CREM: variants seen among roughly 807,000 people sequenced by gnomAD.
CREM encodes the protein cAMP-responsive element modulator.
A neutral mutation model predicts 37.3 loss-of-function variants in CREM; 13 were observed. The ratio of observed to expected loss-of-function variants is 0.35; its 90% confidence interval spans 0.23 to 0.55. The LOEUF (loss-of-function observed/expected upper bound fraction) is 0.55, where lower values mean the gene tolerates loss of function less well. Ranked by LOEUF, CREM falls within the 20% of genes least tolerant of loss-of-function variation. The pLI is 0.88. For synonymous variants in CREM, 124 were observed against 120.2 expected, an observed-to-expected ratio of 1.03 and a Z score of -0.21; for missense variants, 296 against 362.3, an observed-to-expected ratio of 0.82 and a Z score of 1.49.
At chr10:35,180,988 T>C (rs922485554) in intron 5 of CREM, among the ~76,000 whole-genome samples, 1 of 152,230 alleles carries the variant, frequency 6.6e-6, no homozygotes, top group African/African-American at 2.4e-5. Flanking sequence ...CTTCTCAAAG[T>C]GTTGGGAACC....
chr10:35,127,408 G>A (rs1052823786), intron 1 of CREM: 1 of 151,770 alleles, frequency 6.6e-6, no homozygotes, highest in Non-Finnish European at 1.5e-5. Context: ...CGGCGCCCCC[G>A]AGGCCGCCGG....
At chr10:35,182,886 C>A (rs1171636271) in intron 5 of CREM, among the ~76,000 whole-genome samples, 1 of 152,066 alleles carries the variant, frequency 6.6e-6, no homozygotes, top group Non-Finnish European at 1.5e-5. Flanking sequence ...AAGCATATAC[C>A]CGAGAGATGG....
At chr10:35,130,941 C>A (rs1187193541) in intron 1 of CREM, among the ~76,000 whole-genome samples, 1 of 152,132 alleles carries the variant, frequency 6.6e-6, no homozygotes, top group African/African-American at 2.4e-5. Flanking sequence ...TCATGACAGG[C>A]CTTCCTAGGA....
chr10:35,183,592 G>T (rs1039002999), intron 5 of CREM, among the ~76,000 whole-genome samples: 2 of 152,134 alleles, frequency 1.3e-5, no homozygotes, highest in Non-Finnish European at 2.9e-5. Context: ...CTCTCTTATG[G>T]TCACTCTGAA....
intron 5 of CREM, among the ~76,000 whole-genome samples, chr10:35,186,831 T>A (rs1280644054): frequency 8.5e-6 from 1 of 117,392 alleles, no homozygotes; most frequent in Admixed American, 1.1e-4. Flanking sequence ...TATATACATA[T>A]ATAGGTATAT....
chr10:35,210,713 G>A (rs1406479514), intron 7 of CREM: 1 of 152,198 alleles, frequency 6.6e-6, no homozygotes, highest in African/African-American at 2.4e-5. Context: ...ATTTATCCAT[G>A]TGTGTTTTCT....
At chr10:35,148,078 G>C (rs868450474) in intron 2 of CREM, among the ~76,000 whole-genome samples, 2 of 152,178 alleles carry the variant, frequency 1.3e-5, no homozygotes, top group African/African-American at 4.8e-5. Flanking sequence ...TTACCTTGGG[G>C]ATGAGAGCCA....
intron 5 of CREM, among the ~76,000 whole-genome samples, chr10:35,184,267 A>G (rs895060507): frequency 2.0e-5 from 3 of 152,178 alleles, no homozygotes; most frequent in Non-Finnish European, 4.4e-5. Flanking sequence ...AATAGCTAAA[A>G]TAGAAGATAT....
intron 6 of CREM, among the ~76,000 whole-genome samples, chr10:35,198,320 C>T (rs2095276486): frequency 6.6e-6 from 1 of 152,012 alleles, no homozygotes; most frequent in Non-Finnish European, 1.5e-5. Context: ...CTCAGGAGTT[C>T]AAGACCAGCC....
chr10:35,205,211 G>C (rs1300119964), intron 6 of CREM, among the ~76,000 whole-genome samples: 2 of 152,086 alleles, frequency 1.3e-5, no homozygotes, highest in Admixed American at 6.6e-5. Context: ...GACAAATTTT[G>C]AATATAAATT....
At chr10:35,207,209 G>T (rs1472628687) in intron 7 of CREM, among the ~76,000 whole-genome samples, 158 bp downstream of exon 7, 2 of 151,616 alleles carry the variant, frequency 1.3e-5, no homozygotes, top group Non-Finnish European at 2.9e-5. Flanking sequence ...TGGCTAACAC[G>T]GTGAAACCCC....
intron 1 of CREM, among the ~76,000 whole-genome samples, chr10:35,134,136 T>C (rs2090005070): frequency 6.6e-6 from 1 of 151,192 alleles, no homozygotes; most frequent in South Asian, 2.1e-4. Context: ...AATTTCCGCC[T>C]CCTGAGTTCA....
intron 6 of CREM, 95 bp downstream of exon 6, chr10:35,188,483 G>T: frequency 8.9e-7 from 1 of 1,123,884 alleles, no homozygotes; most frequent in South Asian, 2.2e-5. Flanking sequence ...ATAGATCGAA[G>T]GTAGATGGTG....
At chr10:35,175,622 A>G in intron 3 of CREM, 1 of 1,584,864 alleles carries the variant, frequency 6.3e-7, no homozygotes, top group Non-Finnish European at 8.7e-7. Flanking sequence ...AAGTATGGGC[A>G]CCAAAAGCGA....
intron 3 of CREM, among the ~76,000 whole-genome samples, chr10:35,177,896 C>T (rs2094164891): frequency 6.6e-6 from 1 of 152,066 alleles, no homozygotes; most frequent in East Asian, 1.9e-4. Flanking sequence ...TTATCTGAGG[C>T]AACAACATTT....
At chr10:35,167,600 G>A (rs41313822) in intron 3 of CREM, 25 of 869,230 alleles carry the variant, frequency 2.9e-5, no homozygotes, top group Non-Finnish European at 4.7e-5. Context: ...ACACTGTGAG[G>A]TTTTCCCAGT....
rs542249519 is a variant in CREM, at chr10:35,212,921, A to G, written c.*1523A>G. The G allele has an allele frequency of 7.2e-5, 11 of 152,892 alleles. No individual in the cohort carries two copies. Among genetic ancestry groups the G allele is most frequent in the African/African-American group, 2.6e-4 (11 of 41,582 alleles). The allele number at this position is 152,892 out of a possible 1,614,324, so 9.5% of individuals were successfully genotyped here. A position where few individuals can be genotyped will look rare whatever the true frequency, so the allele number is the denominator to read the frequency against. On this transcript the variant is annotated 3_prime_UTR_variant, in exon 8 of 8. Transcript: ENST00000685392. ...CTATGTTTCATCTTGTTTTTATAAT[A>G]AAAAGCTTCAGGGAACAAGCCCAAA... is the stretch of plus-strand genomic sequence containing the variant.
At chr10:35,147,041 GTTTTTT>G (rs755346866) in intron 2 of CREM, among the ~76,000 whole-genome samples, 3 of 121,006 alleles carry the variant, frequency 2.5e-5, no homozygotes, top group South Asian at 5.3e-4. Flanking sequence ...AGTTTTTTGG[GTTTTTT>G]TTTTTTTTTT....
rs2095673295 is a variant in CREM, at chr10:35,212,215, A to T, written c.*817A>T. 1 of 154,724 alleles carries T rather than the reference A, an allele frequency of 6.5e-6. No individual in the cohort carries two copies. Among genetic ancestry groups the T allele is most frequent in the Admixed American group, 6.5e-5 (1 of 15,344 alleles). The allele number at this position is 154,724 out of a possible 1,614,324, so 9.6% of individuals were successfully genotyped here. A position where few individuals can be genotyped will look rare whatever the true frequency, so the allele number is the denominator to read the frequency against. ...AAATACCTCAGGAAAGAATAGAAAGAAAGTCTATCTAATGACATGCCTATA... is the reference window on the plus strand; with the variant it reads ...AAATACCTCAGGAAAGAATAGAAAGTAAGTCTATCTAATGACATGCCTATA... On this transcript the variant is annotated 3_prime_UTR_variant, in exon 8 of 8. Transcript: ENST00000685392.
Sources: allele counts gnomAD v4.1 joint callset (sites outside exome capture counted in the v4.1 genomes callset), GRCh38; gene constraint gnomAD v4.1.1; transcripts MANE v1.5; gene names NCBI Gene and HGNC (gene_info 2026-07-23, HGNC 2026-07-21).